Variants in GOLGA1 observed in about 807,000 individuals in gnomAD.
GOLGA1 encodes golgin A1, also known as golgin subfamily A member 1.
GOLGA1 carries 63 observed loss-of-function variants against 119.7 expected under a neutral mutation model. That is an observed-to-expected ratio of 0.53 (90% CI 0.43 to 0.65). The LOEUF (loss-of-function observed/expected upper bound fraction) is 0.65, where lower values mean the gene tolerates loss of function less well. Ranked by LOEUF, GOLGA1 falls within the 30% of genes least tolerant of loss-of-function variation. GOLGA1 has a pLI of 0.00. For missense variants in GOLGA1, 798 were observed against 912.8 expected (o/e 0.87, Z 1.62); for synonymous variants, 318 against 333.4 (o/e 0.95, Z 0.50).
intron 13 of GOLGA1, 50 bp from the exon 14 acceptor site, chr9:124,899,528 G>A (rs899648588): frequency 1.3e-6 from 2 of 1,514,806 alleles, no homozygotes; most frequent in African/African-American, 1.4e-5. Flanking sequence ...GGTTTCCAGT[G>A]GGGGATCTTA....
intron 13 of GOLGA1, among the ~76,000 whole-genome samples, chr9:124,899,732 C>T (rs533235815): frequency 6.6e-6 from 1 of 152,350 alleles, no homozygotes; most frequent in Admixed American, 6.5e-5. Flanking sequence ...CACCAGCCAG[C>T]CCTTAGACAC....
intron 11 of GOLGA1, among the ~76,000 whole-genome samples, chr9:124,910,819 T>C (rs1830324698): frequency 6.6e-6 from 1 of 152,100 alleles, no homozygotes; most frequent in Non-Finnish European, 1.5e-5. Flanking sequence ...GGTTGCACAC[T>C]CCTTATGAGA....
rs1026890034 is a variant in GOLGA1 at position 124,892,878 on chromosome 9, G to A, written c.1408-2400C>T. ...ACCCAGGAGGCGGAGGTTGCAGTGA[G>A]CCGAGATCACGCCATTGCACTCCAG... On this transcript the variant is annotated intron_variant, in intron 15 of 22. Transcript: ENST00000373555. Among the ~76,000 whole-genome samples the A allele has an allele frequency of 4.7e-5, 7 of 149,084 alleles. No homozygotes were observed. In the South Asian group the frequency reaches 1.5e-3, roughly 32 times the overall value.
chr9:124,898,624 A>G lies in GOLGA1; in HGVS notation c.1332T>C (p.Asn444=). 6.2e-7 allele frequency: 1 copy of G among 1,609,910 alleles called. No homozygotes were observed. Among genetic ancestry groups the G allele is most frequent in the Non-Finnish European group, 8.5e-7 (1 of 1,176,388 alleles). ...EQGMRQLEQE[N]AALKECRNEY... ...CATTCCTGCATTCTTTAAGGGCTGC[A>G]TTTTCTTGCTCCAGTTGTCTCTGCC... is the stretch of plus-strand genomic sequence containing the variant. The change falls in exon 15 of 23, where the codon AAT becomes AAC. Residue 444 remains asparagine (N), a synonymous_variant. Transcript: ENST00000373555.
intron 10 of GOLGA1, among the ~76,000 whole-genome samples, chr9:124,916,877 C>CACACAAAAAAAAAAAA (rs1359322100): frequency 2.4e-5 from 1 of 41,212 alleles, no homozygotes; most frequent in Non-Finnish European, 4.1e-5. Context: ...CCCTGACACA[C>CACACAAAAAAAAAAAA]AAAAAAAAAA....
At chr9:124,936,155 G>C (rs188141718) in intron 3 of GOLGA1, among the ~76,000 whole-genome samples, 1 of 152,144 alleles carries the variant, frequency 6.6e-6, no homozygotes, top group Admixed American at 6.5e-5. Context: ...AGGCAAAACA[G>C]GTCCATCTGT....
At chr9:124,909,994 G>A (rs1830310550) in intron 11 of GOLGA1, among the ~76,000 whole-genome samples, 6 of 152,036 alleles carry the variant, frequency 3.9e-5, no homozygotes, top group Admixed American at 3.9e-4. Flanking sequence ...GGAGTGCAGT[G>A]GCATGATCTC....
intron 15 of GOLGA1, among the ~76,000 whole-genome samples, chr9:124,892,715 C>G (rs566716325): frequency 9.9e-5 from 15 of 152,102 alleles, no homozygotes; most frequent in African/African-American, 3.4e-4. Flanking sequence ...GACGGATCAC[C>G]TGAGGTTGAG....
chr9:124,940,451 G>A (rs1429783791), intron 1 of GOLGA1, among the ~76,000 whole-genome samples: 2 of 152,180 alleles, frequency 1.3e-5, no homozygotes, highest in Non-Finnish European at 2.9e-5. Flanking sequence ...TTTGAATGAG[G>A]TTAAGTTTTC....
intron 5 of GOLGA1, 70 bp downstream of exon 5, chr9:124,929,146 C>T (rs748882256): frequency 1.5e-5 from 13 of 857,056 alleles, no homozygotes; most frequent in East Asian, 2.5e-5. Flanking sequence ...CAAACTTAAC[C>T]ATACACTATT....
chr9:124,926,910 A>AGAGT (rs1355922746), intron 6 of GOLGA1, among the ~76,000 whole-genome samples, 169 bp from the exon 7 acceptor site: 1 of 152,216 alleles, frequency 6.6e-6, no homozygotes, highest in Non-Finnish European at 1.5e-5. Flanking sequence ...AAGAAAGGCA[A>AGAGT]GAGTCACAAA....
intron 13 of GOLGA1, among the ~76,000 whole-genome samples, chr9:124,899,861 T>A (rs1263336990): frequency 6.6e-6 from 1 of 152,192 alleles, no homozygotes; most frequent in African/African-American, 2.4e-5. Flanking sequence ...AGGAGAAAGA[T>A]GTGGATTCTG....
chr9:124,898,762 T>C, intron 14 of GOLGA1, 118 bp from the exon 15 acceptor site: 2 of 653,752 alleles, frequency 3.1e-6, no homozygotes, highest in South Asian at 1.9e-5. Flanking sequence ...TAAAAGCCAA[T>C]GGGAAGAAGC....
chr9:124,890,991 T>C (rs942076068), intron 15 of GOLGA1, among the ~76,000 whole-genome samples: 2 of 152,078 alleles, frequency 1.3e-5, no homozygotes, highest in Admixed American at 6.5e-5. Context: ...TCTGTCTCTA[T>C]AAACAATAAG....
chr9:124,880,737 G>A (rs1829558925), intron 22 of GOLGA1, 127 bp from the exon 23 acceptor site: 1 of 665,692 alleles, frequency 1.5e-6, no homozygotes, highest in Non-Finnish European at 2.7e-6. Context: ...CTGGCTCTGA[G>A]CAGAGCAAGA....
upstream of GOLGA1, among the ~76,000 whole-genome samples, chr9:124,941,382 A>G (rs1004960166): frequency 1.3e-5 from 2 of 152,196 alleles, no homozygotes; most frequent in Admixed American, 6.5e-5. Flanking sequence ...TGTCAAAAGT[A>G]AAAGAACCCA....
rs1296492546 is a variant in GOLGA1 at position 124,878,518 on chromosome 9, AAC to A, written c.*2010_*2011del. On this transcript the variant is annotated 3_prime_UTR_variant, in exon 23 of 23. Transcript: ENST00000373555. Reference sequence around the variant, plus strand: ...ATAAAGGGCTATAGATACCGTCGCTAACACAGAAAGTTTTATACAAGTCAAAG... The same window carrying A: ...ATAAAGGGCTATAGATACCGTCGCTAACAGAAAGTTTTATACAAGTCAAAG... 5.2e-5 allele frequency: 8 copies of A among 152,804 alleles called. No individual in the cohort carries two copies. The highest frequency in any genetic ancestry group is 1.9e-4 in the African/African-American group (8 of 41,588). The allele number at this position is 152,804 out of a possible 1,614,324, so 9.5% of individuals were successfully genotyped here. A position where few individuals can be genotyped will look rare whatever the true frequency, so the allele number is the denominator to read the frequency against.
intron 5 of GOLGA1, among the ~76,000 whole-genome samples, chr9:124,928,763 T>A (rs137888760): frequency 1.8e-4 from 28 of 152,330 alleles, no homozygotes; most frequent in African/African-American, 6.0e-4. Context: ...CTAACATCTT[T>A]CTTGGATGGT....
chr9:124,895,810 C>A (rs1829971935), intron 15 of GOLGA1, among the ~76,000 whole-genome samples: 2 of 136,340 alleles, frequency 1.5e-5, no homozygotes, highest in African/African-American at 5.1e-5. Context: ...AACAGAGACC[C>A]TCCACAACAG....
Sources: gnomAD v4.1 joint callset for allele counts (sites outside exome capture counted in the v4.1 genomes callset) on GRCh38, gnomAD v4.1.1 for gene constraint, MANE v1.5 for transcripts, NCBI Gene and HGNC (gene_info 2026-07-23, HGNC 2026-07-21) for gene names.